CCSER2: variants seen among roughly 807,000 people sequenced by gnomAD.
CCSER2 encodes the protein coiled-coil serine rich protein 2, also known as serine-rich coiled-coil domain-containing protein 2.
In CCSER2, 46 loss-of-function variants were observed where a neutral mutation model predicts 92.3. That is an observed-to-expected ratio of 0.50 (90% confidence interval 0.39 to 0.64). CCSER2 has a LOEUF of 0.64. Ranked by LOEUF, CCSER2 falls within the 30% of genes least tolerant of loss-of-function variation. The pLI is 0.00. For synonymous variants in CCSER2, 433 were observed against 431.4 expected (o/e 1.00, Z -0.04); for missense variants, 1,244 against 1,238.9 (o/e 1.00, Z -0.06).
At chr10:84,507,373 A>G (rs1003884919) in intron 9 of CCSER2, 13 of 958,742 alleles carry the variant, frequency 1.4e-5, no homozygotes, top group African/African-American at 3.5e-5. Flanking sequence ...CACCTTCCTC[A>G]TAATCACTTT....
intron 6 of CCSER2, chr10:84,455,074 C>A (rs1845524221): frequency 6.5e-6 from 1 of 152,750 alleles, no homozygotes; most frequent in Non-Finnish European, 1.5e-5. Flanking sequence ...GTAAGACATG[C>A]CTATGCTTCT....
chr10:84,340,768 T>C (rs1317270968), intron 1 of CCSER2, among the ~76,000 whole-genome samples: 1 of 152,132 alleles, frequency 6.6e-6, no homozygotes, highest in East Asian at 1.9e-4. Flanking sequence ...TTACAAGTTA[T>C]TTAGGTTTCT....
intron 3 of CCSER2, among the ~76,000 whole-genome samples, chr10:84,400,684 C>T (rs1409949679): frequency 2.6e-5 from 4 of 152,000 alleles, no homozygotes; most frequent in Non-Finnish European, 5.9e-5. Flanking sequence ...GAGGCTGAGG[C>T]GGGTGGATCA....
chr10:84,481,850 A>C (rs2133760103), intron 9 of CCSER2, among the ~76,000 whole-genome samples: 1 of 152,232 alleles, frequency 6.6e-6, no homozygotes, highest in Non-Finnish European at 1.5e-5. Flanking sequence ...TCCAGAATTG[A>C]GAATGCCCTA....
intron 1 of CCSER2, among the ~76,000 whole-genome samples, chr10:84,339,157 C>A (rs1844029049): frequency 6.7e-6 from 1 of 148,690 alleles, no homozygotes; most frequent in Non-Finnish European, 1.5e-5. Context: ...TACCTTTTGC[C>A]TGCACATGCT....
intron 3 of CCSER2, among the ~76,000 whole-genome samples, chr10:84,396,729 G>T (rs942693499): frequency 6.6e-6 from 1 of 152,106 alleles, no homozygotes; most frequent in African/African-American, 2.4e-5. Flanking sequence ...TAGAGATGGG[G>T]TTTCACCATG....
intron 1 of CCSER2, among the ~76,000 whole-genome samples, chr10:84,350,446 G>C (rs1356299484): frequency 6.6e-6 from 1 of 151,946 alleles, no homozygotes; most frequent in Non-Finnish European, 1.5e-5. Flanking sequence ...GACCAGGTCT[G>C]TTCTGTGCAT....
rs917517855 is a variant in CCSER2, at chr10:84,517,164, G to A, written c.*2897G>A. On this transcript the variant is annotated 3_prime_UTR_variant, in exon 10 of 10. Coordinates refer to ENST00000372088, the MANE Select transcript of CCSER2 (RefSeq NM_001284240.2). ...ACAGTATATGAATTCTAAGTCCTGAGGAAGAAATTTTATGGGGTTTGTTAA... is the reference window on the plus strand; with the variant it reads ...ACAGTATATGAATTCTAAGTCCTGAAGAAGAAATTTTATGGGGTTTGTTAA... 14 of 152,236 alleles carry A rather than the reference G, an allele frequency of 9.2e-5. No homozygotes were observed. In the East Asian group the frequency reaches 9.7e-4, roughly 11 times the overall value. 9.4% of individuals were successfully genotyped at this position (152,236 alleles called of 1,614,324 possible).
At chr10:84,501,970 G>A (rs1159641505) in intron 9 of CCSER2, among the ~76,000 whole-genome samples, 45 of 143,578 alleles carry the variant, frequency 3.1e-4, no homozygotes, top group Non-Finnish European at 5.8e-4. Context: ...CTGTTTGTGC[G>A]AAGTAATGAC....
intron 6 of CCSER2, among the ~76,000 whole-genome samples, chr10:84,442,181 T>A (rs1043220116): frequency 6.7e-6 from 1 of 150,300 alleles, no homozygotes; most frequent in Non-Finnish European, 1.5e-5. Context: ...ATTCAGAAGG[T>A]TGGACATTCA....
intron 9 of CCSER2, among the ~76,000 whole-genome samples, chr10:84,500,257 A>G (rs1848655675): frequency 6.6e-6 from 1 of 152,184 alleles, no homozygotes; most frequent in South Asian, 2.1e-4. Flanking sequence ...TGCATTTTCA[A>G]AACCTTGAAA....
chr10:84,387,442 T>A (rs1316160644), intron 3 of CCSER2, among the ~76,000 whole-genome samples: 2 of 152,206 alleles, frequency 1.3e-5, no homozygotes, highest in African/African-American at 2.4e-5. Flanking sequence ...GTACGTCTAA[T>A]CATGTTGCTT....
chr10:84,389,782 T>C (rs1330055506), intron 3 of CCSER2, among the ~76,000 whole-genome samples: 2 of 152,252 alleles, frequency 1.3e-5, no homozygotes, highest in African/African-American at 4.8e-5. Context: ...TCAGGGACTT[T>C]AGTCTCTTCA....
intron 1 of CCSER2, among the ~76,000 whole-genome samples, chr10:84,370,635 G>A (rs1846012991): frequency 6.6e-6 from 1 of 152,000 alleles, no homozygotes; most frequent in Non-Finnish European, 1.5e-5. Context: ...TGCACTGGCT[G>A]TGGCTTTCCA....
intron 3 of CCSER2, among the ~76,000 whole-genome samples, chr10:84,416,774 C>T (rs1469246722): frequency 1.3e-5 from 2 of 151,764 alleles, no homozygotes; most frequent in Non-Finnish European, 2.9e-5. Flanking sequence ...CAAAAATACA[C>T]AAAAAAATTA....
rs376066334 is a variant in CCSER2, at chr10:84,341,156, C to T, written c.-40+12348C>T. Among the ~76,000 whole-genome samples, 126 of 150,800 alleles carry T rather than the reference C, an allele frequency of 8.4e-4. 1 individual carries two copies. The highest frequency in any genetic ancestry group is 3.4e-3 in the Middle Eastern group (1 of 294). The stretch of plus-strand genomic sequence containing the variant: ...CCTGGACTCAAGTGATGTGCCCTCC[C>T]GAGTAGCTGGGACTACAAGCGTGTG... On this transcript the variant is annotated intron_variant, in intron 1 of 9. Coordinates refer to ENST00000372088, the MANE Select transcript of CCSER2 (RefSeq NM_001284240.2).
intron 4 of CCSER2, among the ~76,000 whole-genome samples, chr10:84,423,658 T>C (rs1044116521): frequency 6.6e-6 from 1 of 152,188 alleles, no homozygotes; most frequent in Non-Finnish European, 1.5e-5. Context: ...AATTTCTCTT[T>C]CCTGAATTGA....
chr10:84,505,656 A>G (rs1331375485), intron 9 of CCSER2, among the ~76,000 whole-genome samples: 1 of 152,176 alleles, frequency 6.6e-6, no homozygotes. Context: ...TATGGTTAAC[A>G]TCAAATATGG....
intron 9 of CCSER2, among the ~76,000 whole-genome samples, chr10:84,500,158 A>G (rs1280130112): frequency 1.3e-5 from 2 of 152,182 alleles, no homozygotes; most frequent in African/African-American, 4.8e-5. Flanking sequence ...TTAGAGCCTT[A>G]TGGAAGCTGT....
Sources: allele counts gnomAD v4.1 joint callset (sites outside exome capture counted in the v4.1 genomes callset), GRCh38; gene constraint gnomAD v4.1.1; transcripts MANE v1.5; gene names NCBI Gene and HGNC (gene_info 2026-07-23, HGNC 2026-07-21).